SCARF2: variants seen among roughly 807,000 people sequenced by gnomAD.
The protein encoded by SCARF2 is scavenger receptor class F member 2, also known as scavenger receptor expressed by endothelial cells 2 protein.
SCARF2 carries 39 observed loss-of-function variants against 73.4 expected under a neutral mutation model. That is an observed-to-expected ratio of 0.53 (90% CI 0.41 to 0.69). SCARF2 has a LOEUF of 0.69. SCARF2 is among the 30% of genes least tolerant of loss of function. The pLI is 0.00. For synonymous variants in SCARF2, 605 were observed against 590.0 expected, an observed-to-expected ratio of 1.03 and a Z score of -0.37; for missense variants, 1,148 against 1,303.5, an observed-to-expected ratio of 0.88 and a Z score of 1.84.
chr22:20,431,974 G>A lies in SCARF2; in HGVS notation c.188C>T (p.Thr63Met). 1 of 1,579,554 alleles carries A rather than the reference G, an allele frequency of 6.3e-7. No individual in the cohort carries two copies. The highest frequency in any genetic ancestry group is 1.1e-5 in the South Asian group (1 of 89,830). ...VCRAPGSQVP[T>M]CCAGWRQQGD... Reference sequence around the variant, plus strand: ...TTGCTGCCTCCAGCCAGCGCAGCACGTGGGCACCTGGGAGCTGCGAGCAGA... The same window carrying A: ...TTGCTGCCTCCAGCCAGCGCAGCACATGGGCACCTGGGAGCTGCGAGCAGA... Residue 63 changes from threonine (T) to methionine (M), a missense_variant, in exon 2 of 11, where the codon ACG becomes ATG. Thr to Met is a moderately conservative substitution (Grantham distance 81). Around this residue, in one of 5 missense-constraint regions of SCARF2, gnomAD observed 124 missense variants for 120.4 expected, o/e 1.03. Coordinates refer to ENST00000622235, the MANE Select transcript of SCARF2 (RefSeq NM_182895.5).
Position 20,429,618 on chromosome 22 carries a change from C to A in SCARF2, c.1342G>T (p.Ala448Ser), listed in dbSNP as rs753663889. ...NQRKGVMGAG[A>S]LLVLLVCLLL... is the part of the protein sequence containing the mutation. ...AGGCAGACGAGCAGGACGAGCAGCG[C>A]GCCCGCGCCCATCACGCCCTTGCGC... Residue 448 changes from alanine (A) to serine (S), a missense_variant, in exon 8 of 11, where the codon GCG becomes TCG. Transcript: ENST00000622235. The surrounding 1 kb of genome is among the most constrained non-coding windows in gnomAD (Gnocchi z 5.2). 2 of 1,613,756 alleles carry A rather than the reference C, an allele frequency of 1.2e-6. No individual in the cohort carries two copies. Among genetic ancestry groups the A allele is most frequent in the East Asian group, 2.2e-5 (1 of 44,872 alleles).
In SCARF2 at chr22:20,429,197, C is replaced by T. The variant is rs748144883; in HGVS notation, c.1540+28G>A. The T allele has an allele frequency of 6.2e-7, 1 of 1,613,906 alleles. No individual in the cohort carries two copies. Among genetic ancestry groups the T allele is most frequent in the South Asian group, 1.1e-5 (1 of 91,044 alleles). ...GCTTCCTGCGTCGAGAGGTGTTTCT[C>T]CCAGATACCCCGCGCTGTCATCCTT... On this transcript the variant is annotated intron_variant, in intron 9 of 10. Coordinates refer to ENST00000622235, the MANE Select transcript of SCARF2 (RefSeq NM_182895.5). The surrounding 1 kb of genome is among the most constrained non-coding windows in gnomAD (Gnocchi z 5.2).
chr22:20,432,126 C>A, intron 1 of SCARF2, 138 bp from the exon 2 acceptor site: 1 of 890,326 alleles, frequency 1.1e-6, no homozygotes, highest in African/African-American at 1.6e-5. Flanking sequence ...TAATGAGGTC[C>A]TGCCAGGCAG....
chr22:20,431,009 C>A lies in SCARF2; in HGVS notation c.854+9G>T, dbSNP rs1192978622. ...CCTCCTCCCTCCCTGGCCGAGAGAC[C>A]GCGCTTACCGGCGGCGACAGCCCAA... is the stretch of plus-strand genomic sequence containing the variant. On this transcript the variant is annotated intron_variant, in intron 4 of 10. Coordinates refer to ENST00000622235, the MANE Select transcript of SCARF2 (RefSeq NM_182895.5). 1.3e-6 allele frequency: 2 copies of A among 1,562,232 alleles called. No individual in the cohort carries two copies. The highest frequency in any genetic ancestry group is 2.3e-5 in the South Asian group (2 of 86,538).
Position 20,429,294 on chromosome 22 carries a change from G to A in SCARF2, c.1471C>T (p.Arg491Cys). 1 of 1,608,112 alleles carries A rather than the reference G, an allele frequency of 6.2e-7. No individual in the cohort carries two copies. Among genetic ancestry groups the A allele is most frequent in the Non-Finnish European group, 8.5e-7 (1 of 1,177,622 alleles). The part of the protein sequence containing the change: ...RKKAPHRLCG[R>C]FSRISMKLPR... ...AGCTTCATGCTGATGCGACTGAAGC[G>A]CCCGCATAGTCGGTGCGGCGCCTTC... Residue 491 changes from arginine (R) to cysteine (C), a missense_variant, in exon 9 of 11, where the codon CGC becomes TGC. By Grantham distance (180) the Arg-to-Cys change is radical. This residue lies in a region of SCARF2 where 437 missense variants were observed against 433.6 expected (regional missense o/e 1.01). Coordinates refer to ENST00000622235, the MANE Select transcript of SCARF2 (RefSeq NM_182895.5). The surrounding 1 kb of genome is among the most constrained non-coding windows in gnomAD (Gnocchi z 5.2).
chr22:20,426,107 G>C lies in SCARF2; in HGVS notation c.1869C>G (p.Tyr623Ter). 1 of 1,488,324 alleles carries C rather than the reference G, an allele frequency of 6.7e-7. No individual in the cohort carries two copies. The highest frequency in any genetic ancestry group is 8.9e-7 in the Non-Finnish European group (1 of 1,128,592). The allele number at this position is 1,488,324 out of a possible 1,614,324, so 92.2% of individuals were successfully genotyped here. A position where few individuals can be genotyped will look rare whatever the true frequency, so the allele number is the denominator to read the frequency against. The change falls in exon 11 of 11, where the codon TAC (tyrosine) becomes TAG (stop). Residue 623 changes from tyrosine to a stop codon, truncating the protein, a stop_gained. Coordinates refer to ENST00000622235, the MANE Select transcript of SCARF2 (RefSeq NM_182895.5). LOFTEE classifies it low-confidence loss of function (END_TRUNC). ...SSVEGPGGALYARVARREARP... is the reference protein window; with the variant it reads ...SSVEGPGGAL ...GGGCCTCGCGTCGGGCCACGCGCGC[G>C]TACAGAGCCCCTCCGGGCCCCTCCA...
chr22:20,425,336 C>T lies in SCARF2; in HGVS notation c.*39G>A. ...AGGTGTGGGGTGGCGGGCGGCGCTG[C>T]GAAGCTGAGGGAGCTGCGCGCGGAC... On this transcript the variant is annotated 3_prime_UTR_variant, in exon 11 of 11. Coordinates refer to ENST00000622235, the MANE Select transcript of SCARF2 (RefSeq NM_182895.5). The surrounding 1 kb of genome is among the most constrained non-coding windows in gnomAD (Gnocchi z 4.6). 1.5e-6 allele frequency: 2 copies of T among 1,345,192 alleles called. No homozygotes were observed. The highest frequency in any genetic ancestry group is 1.9e-6 in the Non-Finnish European group (2 of 1,042,266). The allele number at this position is 1,345,192 out of a possible 1,614,324, so 83.3% of individuals were successfully genotyped here.
chr22:20,426,259 G>A lies in SCARF2; in HGVS notation c.1717C>T (p.Pro573Ser). Reference sequence around the variant, plus strand: ...TCGGCAGGGACAGTGGGGACTTCGGGGTCCCGGCTCTCCGCTGGTGCCTCT... The same window carrying A: ...TCGGCAGGGACAGTGGGGACTTCGGAGTCCCGGCTCTCCGCTGGTGCCTCT... ...HEEAPAESRDPEVPTVPAEAP... is the reference protein window; with the variant it reads ...HEEAPAESRDSEVPTVPAEAP... Residue 573 changes from proline (P) to serine (S), a missense_variant, in exon 11 of 11, where the codon CCC (proline) becomes TCC (serine). Physicochemically the swap from Pro to Ser is moderately conservative, Grantham distance 74. This residue lies in a region of SCARF2 where 437 missense variants were observed against 433.6 expected (regional missense o/e 1.01). Transcript: ENST00000622235. 1 of 1,535,512 alleles carries A rather than the reference G, an allele frequency of 6.5e-7. No homozygotes were observed.
At position 20,425,687 on chromosome 22, in the gene SCARF2, C is replaced by A; in HGVS notation, c.2289G>T (p.Ala763=). 2 of 1,237,256 alleles carry A rather than the reference C, an allele frequency of 1.6e-6. No homozygotes were observed. Among genetic ancestry groups the A allele is most frequent in the South Asian group, 7.4e-5 (2 of 27,052 alleles). 76.6% of individuals were successfully genotyped at this position (1,237,256 alleles called of 1,614,324 possible). ...CGGCCAACATGGAGGCAGCCTCGGGCGCGCTTCGCGGGGGACCGCCGGCGT... is the reference window on the plus strand; with the variant it reads ...CGGCCAACATGGAGGCAGCCTCGGGAGCGCTTCGCGGGGGACCGCCGGCGT... ...PTDAGGPPRS[A]PEAASMLAAE... is the part of the protein sequence containing the mutation. Residue 763 remains alanine (A), a synonymous_variant, in exon 11 of 11, where the codon GCG becomes GCT. Coordinates refer to ENST00000622235, the MANE Select transcript of SCARF2 (RefSeq NM_182895.5). This position sits in a 1 kb window ranked among gnomAD's most constrained non-coding sequence, Gnocchi z 4.6.
chr22:20,427,264 C>A (rs2052589110), intron 10 of SCARF2, 134 bp downstream of exon 10: 7 of 1,113,204 alleles, frequency 6.3e-6, no homozygotes, highest in African/African-American at 1.5e-5. Context: ...CTGTGGGCAA[C>A]CCTCAGGTAC....
Position 20,425,814 on chromosome 22 carries a change from G to T in SCARF2, c.2162C>A (p.Pro721Gln). 1 of 1,531,506 alleles carries T rather than the reference G, an allele frequency of 6.5e-7. No individual in the cohort carries two copies. The highest frequency in any genetic ancestry group is 1.2e-5 in the South Asian group (1 of 83,006). 94.9% of individuals were successfully genotyped at this position (1,531,506 alleles called of 1,614,324 possible). A position where few individuals can be genotyped will look rare whatever the true frequency, so the allele number is the denominator to read the frequency against. ...HGSPRTRDPT[P>Q]RPPGLPEEAT... ...CTCCTCGGGCAGCCCGGGGGGCCGCGGCGTTGGGTCGCGGGTCCGGGGGCT... is the reference window on the plus strand; with the variant it reads ...CTCCTCGGGCAGCCCGGGGGGCCGCTGCGTTGGGTCGCGGGTCCGGGGGCT... The change falls in exon 11 of 11, where the codon CCG (proline) becomes CAG (glutamine). Residue 721 changes from proline (P) to glutamine (Q), a missense_variant. Around this residue, in one of 5 missense-constraint regions of SCARF2, gnomAD observed 437 missense variants for 433.6 expected, o/e 1.01. Coordinates refer to ENST00000622235, the MANE Select transcript of SCARF2 (RefSeq NM_182895.5). The surrounding 1 kb of genome is among the most constrained non-coding windows in gnomAD (Gnocchi z 4.6).
Position 20,425,751 on chromosome 22 carries a change from C to T in SCARF2, c.2225G>A (p.Arg742Gln), listed in dbSNP as rs2052568071. ...GAGGCCGGGGCCGCGGCCCCGCGCT[C>T]GGGCCCTGGGCGGCGAGGGCGCAGC... is the stretch of plus-strand genomic sequence containing the variant. ...ALAAPSPPRA[R>Q]ARGRGPGLLE... The change falls in exon 11 of 11, where the codon CGA (arginine) becomes CAA (glutamine). Residue 742 changes from arginine to glutamine, a missense_variant. Arg to Gln is a conservative substitution (Grantham distance 43, BLOSUM62 1). Coordinates refer to ENST00000622235, the MANE Select transcript of SCARF2 (RefSeq NM_182895.5). This position sits in a 1 kb window ranked among gnomAD's most constrained non-coding sequence, Gnocchi z 4.6. 8.0e-7 allele frequency: 1 copy of T among 1,246,528 alleles called. No homozygotes were observed. The highest frequency in any genetic ancestry group is 3.6e-5 in the South Asian group (1 of 28,002). 77.2% of individuals were successfully genotyped at this position (1,246,528 alleles called of 1,614,324 possible).
At position 20,427,489 on chromosome 22, in the gene SCARF2, C is replaced by CA; in HGVS notation, c.1601dup (p.Glu535GlyfsTer17). On this transcript the variant is annotated frameshift_variant, in exon 10 of 11. Transcript: ENST00000622235. LOFTEE classifies it high-confidence loss of function. ...AGGACCAGGATGGTGAGGGCTGCTC[C>CA]AGCCCTGAGGGTGGCTCCAGGAAGC... 6.2e-7 allele frequency: 1 copy of CA among 1,614,080 alleles called. No individual in the cohort carries two copies. The highest frequency in any genetic ancestry group is 8.5e-7 in the Non-Finnish European group (1 of 1,180,032).
rs2052561661 is a variant in SCARF2, at chr22:20,425,465, G to A, written c.2511C>T (p.Pro837=). The A allele has an allele frequency of 7.1e-7, 1 of 1,404,654 alleles. No homozygotes were observed. The highest frequency in any genetic ancestry group is 9.3e-7 in the Non-Finnish European group (1 of 1,078,222). 87.0% of individuals were successfully genotyped at this position (1,404,654 alleles called of 1,614,324 possible). ...GCTTCTGGATGGGGGTCTTCTTCCG[G>A]GGGGTCTCAGGCGCGGGCAAGTCGG... ...AATDLPAPET[P]RKKTPIQKPP... The change falls in exon 11 of 11, where the codon CCC becomes CCT. Residue 837 remains proline (P), a synonymous_variant. Coordinates refer to ENST00000622235, the MANE Select transcript of SCARF2 (RefSeq NM_182895.5). The surrounding 1 kb of genome is among the most constrained non-coding windows in gnomAD (Gnocchi z 4.6).
In SCARF2 at chr22:20,426,133, C is replaced by T. The variant is rs923732270; in HGVS notation, c.1843G>A (p.Val615Met). 1 of 1,468,094 alleles carries T rather than the reference C, an allele frequency of 6.8e-7. No individual in the cohort carries two copies. The highest frequency in any genetic ancestry group is 9.0e-7 in the Non-Finnish European group (1 of 1,117,180). 90.9% of individuals were successfully genotyped at this position (1,468,094 alleles called of 1,614,324 possible). ...TACAGAGCCCCTCCGGGCCCCTCCA[C>T]GCTGGACGCCGACCGCTCGCTGTCG... ...SSDSERSASS[V>M]EGPGGALYAR... Residue 615 changes from valine (V) to methionine (M), a missense_variant, in exon 11 of 11, where the codon GTG becomes ATG. Val to Met is a conservative substitution (Grantham distance 21). Around this residue, in one of 5 missense-constraint regions of SCARF2, gnomAD observed 437 missense variants for 433.6 expected, o/e 1.01. Coordinates refer to ENST00000622235, the MANE Select transcript of SCARF2 (RefSeq NM_182895.5).
rs201048956 is a variant in SCARF2 at position 20,430,970 on chromosome 22, G to C, written c.854+48C>G. ...CCGCCTCACCCCTGTCCCCATCGGC[G>C]GCCCGCCCTTCCACCTCCTCCCTCC... On this transcript the variant is annotated intron_variant, in intron 4 of 10. Coordinates refer to ENST00000622235, the MANE Select transcript of SCARF2 (RefSeq NM_182895.5). The C allele has an allele frequency of 1.4e-5, 22 of 1,563,938 alleles. No homozygotes were observed. In the African/African-American group the frequency reaches 2.4e-4, roughly 17 times the overall value.
chr22:20,436,490 G>A (rs1032637615), intron 1 of SCARF2, among the ~76,000 whole-genome samples: 3 of 151,894 alleles, frequency 2.0e-5, no homozygotes, highest in Non-Finnish European at 2.9e-5. Context: ...CCCCCGCCCC[G>A]GAGGCGGGGC....
Position 20,425,117 on chromosome 22 carries a change from C to G in SCARF2, c.*258G>C. On this transcript the variant is annotated 3_prime_UTR_variant, in exon 11 of 11. Coordinates refer to ENST00000622235, the MANE Select transcript of SCARF2 (RefSeq NM_182895.5). The surrounding 1 kb of genome is among the most constrained non-coding windows in gnomAD (Gnocchi z 4.6). ...TGAGACGCTGTCTGGTCGGAGCGCT[C>G]CATAACTCGGCCAATGGGGAGGGAG... is the stretch of plus-strand genomic sequence containing the variant. The G allele has an allele frequency of 2.6e-6, 1 of 388,488 alleles. No individual in the cohort carries two copies. Among genetic ancestry groups the G allele is most frequent in the Non-Finnish European group, 4.5e-6 (1 of 220,002 alleles). The allele number at this position is 388,488 out of a possible 1,614,324, so 24.1% of individuals were successfully genotyped here.
Position 20,430,736 on chromosome 22 carries a change from C to T in SCARF2, c.1027G>A (p.Val343Ile), listed in dbSNP as rs779050656. 4 of 1,607,586 alleles carry T rather than the reference C, an allele frequency of 2.5e-6. No homozygotes were observed. Among genetic ancestry groups the T allele is most frequent in the African/African-American group, 2.7e-5 (2 of 74,872 alleles). Residue 343 changes from valine to isoleucine, a missense_variant, in exon 5 of 11, where the codon GTC (valine) becomes ATC (isoleucine). Around this residue, in one of 5 missense-constraint regions of SCARF2, gnomAD observed 372 missense variants for 532.0 expected, o/e 0.70. Transcript: ENST00000622235. ...PCRDGHACNH[V>I]TGKCTRCNAG... ...TTGCAGCGCGTACACTTGCCGGTGACATGGTTACAGGCATGCCCGTCGCGG... is the reference window on the plus strand; with the variant it reads ...TTGCAGCGCGTACACTTGCCGGTGATATGGTTACAGGCATGCCCGTCGCGG...
Sources: gnomAD v4.1 joint callset for allele counts (sites outside exome capture counted in the v4.1 genomes callset) on GRCh38, gnomAD v4.1.1 for gene constraint, gnomAD v4.1.1 regional missense constraint, Gnocchi (gnomAD v3.1) non-coding constraint, MANE v1.5 for transcripts, NCBI Gene and HGNC (gene_info 2026-07-23, HGNC 2026-07-21) for gene names.